Variants in CHST8 observed in about 807,000 individuals in gnomAD.
CHST8 encodes GALNAC-4-ST1.
CHST8 carries 10 observed loss-of-function variants against 15.0 expected under a neutral mutation model. The ratio of observed to expected loss-of-function variants is 0.67; its 90% CI spans 0.41 to 1.13. CHST8 has a LOEUF of 1.13. Among genes scored for constraint, CHST8 ranks in the 50% most tolerant of loss-of-function variants. The pLI, the probability that CHST8 is intolerant of heterozygous loss-of-function variation, is 0.00. For synonymous variants in CHST8, 259 were observed against 256.6 expected, an observed-to-expected ratio of 1.01 and a Z score of -0.09; for missense variants, 634 against 608.2, an observed-to-expected ratio of 1.04 and a Z score of -0.45.
chr19:33,744,853 A>G (rs938422133), intron 3 of CHST8, among the ~76,000 whole-genome samples: 2 of 152,038 alleles, frequency 1.3e-5, no homozygotes, highest in South Asian at 2.1e-4. Context: ...GGTTCAAGCA[A>G]TTCTCCTGCC....
rs76053584 is a variant in CHST8, at chr19:33,765,905, T to C, written c.131-5508T>C. Among the ~76,000 whole-genome samples, 1,077 of 152,236 alleles carry C rather than the reference T, an allele frequency of 7.1e-3. 7 individuals are homozygous for C. Among genetic ancestry groups the C allele is most frequent in the African/African-American group, 0.016 (679 of 41,524 alleles). On this transcript the variant is annotated intron_variant, in intron 3 of 4. Transcript: ENST00000650847. Reference sequence around the variant, plus strand: ...TGATTTGCTGTAAAATGTGTAGCCTTTGAGTAGAGGAAATGACCTTCCACA... The same window carrying C: ...TGATTTGCTGTAAAATGTGTAGCCTCTGAGTAGAGGAAATGACCTTCCACA...
Position 33,679,792 on chromosome 19 carries a change from G to T in CHST8, c.-86-9384G>T, listed in dbSNP as rs191590510. 2.9e-3 allele frequency among the ~76,000 whole-genome samples: 435 copies of T among 152,282 alleles called. 3 individuals carry two copies. The highest frequency in any genetic ancestry group is 9.9e-3 in the African/African-American group (411 of 41,564). On this transcript the variant is annotated intron_variant, in intron 2 of 4. Coordinates refer to ENST00000650847, the MANE Select transcript of CHST8 (RefSeq NM_001127895.2). ...TCTGCAAAACAGAGTGGTGGGCTTGGAGATCTGCTGCCCAGATCTTCCTTC... is the reference window on the plus strand; with the variant it reads ...TCTGCAAAACAGAGTGGTGGGCTTGTAGATCTGCTGCCCAGATCTTCCTTC...
At position 33,772,644 on chromosome 19, in the gene CHST8, G is replaced by T; in HGVS notation, c.856G>T (p.Ala286Ser). ...CTACTATCACCCGGTCTTCGGCAAG[G>T]CCATCCTGGCCCGGTACCGCGCCAA... The part of the protein sequence containing the change: ...NSYYHPVFGK[A>S]ILARYRANAS... Residue 286 changes from alanine to serine, a missense_variant, in exon 5 of 5, where the codon GCC (alanine) becomes TCC (serine). Physicochemically the swap from Ala to Ser is moderately conservative, Grantham distance 99. Coordinates refer to ENST00000650847, the MANE Select transcript of CHST8 (RefSeq NM_001127895.2). 6.2e-7 allele frequency: 1 copy of T among 1,613,930 alleles called. No individual in the cohort carries two copies.
intron 3 of CHST8, among the ~76,000 whole-genome samples, chr19:33,735,394 G>A (rs138381457): frequency 9.5e-4 from 144 of 152,338 alleles, no homozygotes; most frequent in Admixed American, 2.2e-3. Flanking sequence ...GAATGGGACC[G>A]GGAACAGTGT....
At chr19:33,727,007 G>A (rs972390204) in intron 3 of CHST8, among the ~76,000 whole-genome samples, 1 of 151,638 alleles carries the variant, frequency 6.6e-6, no homozygotes, top group Admixed American at 6.6e-5. Flanking sequence ...CAGCCCTTCC[G>A]TGCCACTTTC....
rs558908318 is a variant in CHST8 at position 33,628,205 on chromosome 19, G to A, written c.-164+5909G>A. 8.2e-4 allele frequency among the ~76,000 whole-genome samples: 125 copies of A among 152,254 alleles called. 1 individual carries two copies. The highest frequency in any genetic ancestry group is 1.4e-3 in the Non-Finnish European group (95 of 68,018). ...GCAGGCACAGGCAAGAGCATGCAAAGGGCTTCCTGTGGAGGGAATGTGTGA... is the reference window on the plus strand; with the variant it reads ...GCAGGCACAGGCAAGAGCATGCAAAAGGCTTCCTGTGGAGGGAATGTGTGA... On this transcript the variant is annotated intron_variant, in intron 1 of 4. Transcript: ENST00000650847.
chr19:33,624,649 T>C (rs538713814), intron 1 of CHST8, among the ~76,000 whole-genome samples: 218 of 152,350 alleles, frequency 1.4e-3, no homozygotes, highest in African/African-American at 4.9e-3. Flanking sequence ...TTGTCTTCAG[T>C]TCTCTTAAAA....
chr19:33,766,236 C>G (rs933517477), intron 3 of CHST8, among the ~76,000 whole-genome samples: 4 of 152,024 alleles, frequency 2.6e-5, no homozygotes, highest in African/African-American at 9.7e-5. Context: ...CCTTCCCTCT[C>G]TCTTTCTCTC....
intron 3 of CHST8, among the ~76,000 whole-genome samples, chr19:33,715,833 T>G (rs958567264): frequency 4.6e-5 from 7 of 152,194 alleles, no homozygotes; most frequent in Non-Finnish European, 8.8e-5. Flanking sequence ...CCTGGCCCCA[T>G]GCTAGCTTCT....
intron 3 of CHST8, among the ~76,000 whole-genome samples, chr19:33,753,454 CCCACCA>C (rs1253985003): frequency 7.5e-5 from 2 of 26,636 alleles, no homozygotes; most frequent in Non-Finnish European, 1.4e-4. Flanking sequence ...CCACCACCCA[CCCACCA>C]TCCTCCCACC....
chr19:33,766,583 G>A (rs1339671480), intron 3 of CHST8, among the ~76,000 whole-genome samples: 3 of 152,212 alleles, frequency 2.0e-5, no homozygotes, highest in East Asian at 1.9e-4. Flanking sequence ...GGCAGAGGCC[G>A]GCAGCCTGGG....
chr19:33,765,554 T>TGTGA (rs1568362712), intron 3 of CHST8, among the ~76,000 whole-genome samples: 2 of 102,796 alleles, frequency 1.9e-5, no homozygotes, highest in South Asian at 2.9e-4. Context: ...TGTGTGTGTG[T>TGTGA]CAGAGAGAGA....
At chr19:33,755,490 T>C (rs1023581004) in intron 3 of CHST8, among the ~76,000 whole-genome samples, 10 of 152,260 alleles carry the variant, frequency 6.6e-5, no homozygotes, top group African/African-American at 2.2e-4. Context: ...CCTCTCACCC[T>C]GCTAGTGAAT....
At chr19:33,628,271 C>A (rs1972081904) in intron 1 of CHST8, among the ~76,000 whole-genome samples, 1 of 152,164 alleles carries the variant, frequency 6.6e-6, no homozygotes, top group Admixed American at 6.5e-5. Context: ...TGGGAAGGCC[C>A]ATGTCGCCAG....
At chr19:33,694,169 CATATATATATATATATATATATATATAT>C (rs397842550) in intron 3 of CHST8, among the ~76,000 whole-genome samples, 1,869 of 40,190 alleles carry the variant, frequency 0.047, 145 homozygotes, top group South Asian at 0.12. Flanking sequence ...GTAGTTTATT[CATATATATATATATATATATATATATAT>C]ATATATATAT....
At chr19:33,724,285 G>A (rs764631180) in intron 3 of CHST8, among the ~76,000 whole-genome samples, 7 of 152,124 alleles carry the variant, frequency 4.6e-5, no homozygotes, top group Non-Finnish European at 8.8e-5. Context: ...CTGGGTGTGG[G>A]GCCTGGGACC....
chr19:33,669,391 G>C lies in CHST8; in HGVS notation c.-87+1548G>C, dbSNP rs191322374. Reference sequence around the variant, plus strand: ...TTATGTCTATTGCAAAGATGGCGACGTGCACCTTCCTGGAGGTGCTGGCAA... The same window carrying C: ...TTATGTCTATTGCAAAGATGGCGACCTGCACCTTCCTGGAGGTGCTGGCAA... On this transcript the variant is annotated intron_variant, in intron 2 of 4. Coordinates refer to ENST00000650847, the MANE Select transcript of CHST8 (RefSeq NM_001127895.2). Among the ~76,000 whole-genome samples the C allele has an allele frequency of 2.6e-5, 4 of 152,318 alleles. No individual in the cohort carries two copies. In the East Asian group the frequency reaches 7.7e-4, roughly 29 times the overall value.
chr19:33,699,611 A>C (rs1376130947), intron 3 of CHST8, among the ~76,000 whole-genome samples: 1 of 152,074 alleles, frequency 6.6e-6, no homozygotes, highest in Non-Finnish European at 1.5e-5. Context: ...CGTCATGCCT[A>C]ATATCTCACA....
chr19:33,720,287 A>C (rs1432175068), intron 3 of CHST8, among the ~76,000 whole-genome samples: 1 of 151,466 alleles, frequency 6.6e-6, no homozygotes, highest in Non-Finnish European at 1.5e-5. Flanking sequence ...CCACACACAC[A>C]TACACACTCC....
Sources: allele counts gnomAD v4.1 joint callset (sites outside exome capture counted in the v4.1 genomes callset), GRCh38; gene constraint gnomAD v4.1.1; transcripts MANE v1.5; gene names NCBI Gene and HGNC (gene_info 2026-07-23, HGNC 2026-07-21).